Variants in CLPB observed in about 807,000 individuals in gnomAD.
The protein encoded by CLPB is ClpB family mitochondrial disaggregase.
In CLPB, 40 loss-of-function variants were observed where a neutral mutation model predicts 78.4. That is an observed-to-expected ratio of 0.51 (90% confidence interval 0.40 to 0.66). The LOEUF is 0.66. Ranked by LOEUF, CLPB falls within the 30% of genes least tolerant of loss-of-function variation. CLPB has a pLI of 0.00. For missense variants in CLPB, 780 were observed against 886.9 expected (o/e 0.88, Z 1.53); for synonymous variants, 333 against 348.0 (o/e 0.96, Z 0.48).
At chr11:72,399,769 C>T (rs79828265) in intron 3 of CLPB, among the ~76,000 whole-genome samples, 8,696 of 152,222 alleles carry the variant, frequency 0.057, 356 homozygotes, top group Non-Finnish European at 0.084. Flanking sequence ...AAGGGTGCTC[C>T]CCCTCTATCT....
chr11:72,359,842 A>G (rs936846290), intron 4 of CLPB, among the ~76,000 whole-genome samples: 2 of 152,198 alleles, frequency 1.3e-5, no homozygotes, highest in African/African-American at 4.8e-5. Flanking sequence ...AAGAACCAAA[A>G]TCCCCCAGGC....
intron 4 of CLPB, among the ~76,000 whole-genome samples, chr11:72,378,950 C>T (rs371229408): frequency 6.6e-6 from 1 of 152,082 alleles, no homozygotes; most frequent in Non-Finnish European, 1.5e-5. Context: ...GACAGGGAAG[C>T]CTTTGTGGAG....
chr11:72,381,656 G>A (rs993412169), intron 3 of CLPB, among the ~76,000 whole-genome samples: 3 of 152,102 alleles, frequency 2.0e-5, no homozygotes, highest in Admixed American at 6.5e-5. Context: ...CACTGGGTCA[G>A]CCTGACAGCC....
intron 2 of CLPB, among the ~76,000 whole-genome samples, chr11:72,420,678 G>A (rs1241783063): frequency 6.6e-6 from 1 of 152,168 alleles, no homozygotes; most frequent in African/African-American, 2.4e-5. Context: ...ATATAGTACA[G>A]GGTGCTATGG....
intron 4 of CLPB, among the ~76,000 whole-genome samples, chr11:72,378,956 T>A (rs1452026522): frequency 6.6e-6 from 1 of 152,172 alleles, no homozygotes; most frequent in Non-Finnish European, 1.5e-5. Flanking sequence ...GAAGCCTTTG[T>A]GGAGGATCTA....
chr11:72,314,113 T>A (rs1421252486), intron 7 of CLPB, among the ~76,000 whole-genome samples: 1 of 152,094 alleles, frequency 6.6e-6, no homozygotes, highest in Non-Finnish European at 1.5e-5. Flanking sequence ...AAGCATGAGA[T>A]CTGGTGGTGT....
chr11:72,302,424 T>C, intron 9 of CLPB, 76 bp from the exon 10 acceptor site: 2 of 1,269,172 alleles, frequency 1.6e-6, no homozygotes, highest in Non-Finnish European at 2.3e-6. Flanking sequence ...GGAGAGCACC[T>C]CAACTATCCC....
intron 11 of CLPB, among the ~76,000 whole-genome samples, chr11:72,297,642 T>TGC (rs1949576483): frequency 2.2e-5 from 1 of 46,472 alleles, no homozygotes; most frequent in Non-Finnish European, 3.5e-5. Flanking sequence ...ACCAGGTGTG[T>TGC]GTGTGTGTGT....
At chr11:72,357,553 A>G (rs1380830170) in intron 5 of CLPB, among the ~76,000 whole-genome samples, 1 of 151,826 alleles carries the variant, frequency 6.6e-6, no homozygotes, top group Non-Finnish European at 1.5e-5. Flanking sequence ...AATATTAGCC[A>G]GATGTGGTGG....
At chr11:72,372,894 G>A (rs1951069507) in intron 4 of CLPB, 1 of 1,580,032 alleles carries the variant, frequency 6.3e-7, no homozygotes, top group Non-Finnish European at 8.7e-7. Flanking sequence ...CTGGGGAGGG[G>A]GAGAAATATT....
intron 3 of CLPB, among the ~76,000 whole-genome samples, chr11:72,385,334 A>C (rs932164274): frequency 6.6e-6 from 1 of 152,180 alleles, no homozygotes; most frequent in Non-Finnish European, 1.5e-5. Flanking sequence ...TTTTCCTTCT[A>C]ATAAAAAAGG....
chr11:72,315,671 G>A (rs1241126519), intron 7 of CLPB, among the ~76,000 whole-genome samples: 1 of 152,242 alleles, frequency 6.6e-6, no homozygotes, highest in African/African-American at 2.4e-5. Flanking sequence ...GCCAATTCGT[G>A]AGGGTAATAA....
intron 4 of CLPB, among the ~76,000 whole-genome samples, chr11:72,359,934 ACT>A (rs1298503270): frequency 3.3e-5 from 5 of 151,598 alleles, no homozygotes; most frequent in African/African-American, 7.3e-5. Context: ...TTTTTCCAGG[ACT>A]CTCTGGGTTG....
At chr11:72,295,346 G>T in intron 12 of CLPB, 146 bp downstream of exon 12, 1 of 766,752 alleles carries the variant, frequency 1.3e-6, no homozygotes, top group Non-Finnish European at 2.1e-6. Context: ...ACTTGGTATG[G>T]TGTCTGATAT....
In CLPB at chr11:72,301,951, A is replaced by G. The variant is rs753071939; in HGVS notation, c.1181T>C (p.Ile394Thr). The G allele has an allele frequency of 2.5e-6, 4 of 1,613,684 alleles. No homozygotes were observed. The highest frequency in any genetic ancestry group is 3.4e-6 in the Non-Finnish European group (4 of 1,179,872). ...GCCAACGTAGCCTGGTGGAGACCCA[A>G]TAAACTTGGCCACCTGGTAGAAGGA... ...FQERHEVAKF[I>T]GSPPGYVGHE... Residue 394 changes from isoleucine (I) to threonine (T), a missense_variant, in exon 11 of 16, where the codon ATT (isoleucine) becomes ACT (threonine). Coordinates refer to ENST00000538039, the MANE Select transcript of CLPB (RefSeq NM_001258392.3).
In CLPB at chr11:72,312,235, G is replaced by A. The variant is rs56076328; in HGVS notation, c.989-3631C>T. Among the ~76,000 whole-genome samples, 26,643 of 152,196 alleles carry A rather than the reference G, an allele frequency of 0.18. 3,734 individuals are homozygous for A. Among genetic ancestry groups the A allele is most frequent in the African/African-American group, 0.39 (16,247 of 41,494 alleles). On this transcript the variant is annotated intron_variant, in intron 7 of 15. Transcript: ENST00000538039. The surrounding 1 kb of genome is among the most constrained non-coding windows in gnomAD (Gnocchi z 4.2). ...GTGATGAAAGCAATTTGTAAGTGGC[G>A]AGGAGTGGGATAACAATAAGAGTAA...
chr11:72,363,801 C>T lies in CLPB; in HGVS notation c.647-4793G>A, dbSNP rs139488492. On this transcript the variant is annotated intron_variant, in intron 4 of 15. Coordinates refer to ENST00000538039, the MANE Select transcript of CLPB (RefSeq NM_001258392.3). ...CTCTATCTTCTGTACTGTGCAGCTT[C>T]TGCCAATGCCCACAGGCCCAAGCCT... 8.9e-4 allele frequency among the ~76,000 whole-genome samples: 136 copies of T among 152,342 alleles called. 1 individual carries two copies. Among genetic ancestry groups the T allele is most frequent in the Middle Eastern group, 6.8e-3 (2 of 294 alleles).
Position 72,372,956 on chromosome 11 carries a change from C to T in CLPB, c.646+7325G>A, listed in dbSNP as rs2135657829. On this transcript the variant is annotated intron_variant, in intron 4 of 15. Coordinates refer to ENST00000538039, the MANE Select transcript of CLPB (RefSeq NM_001258392.3). ...CGGGGAGTCCTAGCCATCTCCTGAACTCCAGGGCACTTGTCCACTGGTTTG... is the reference window on the plus strand; with the variant it reads ...CGGGGAGTCCTAGCCATCTCCTGAATTCCAGGGCACTTGTCCACTGGTTTG... The T allele has an allele frequency of 6.2e-7, 1 of 1,614,194 alleles. No homozygotes were observed.
chr11:72,366,307 C>A (rs895087272), intron 4 of CLPB, among the ~76,000 whole-genome samples: 1 of 152,158 alleles, frequency 6.6e-6, no homozygotes, highest in Admixed American at 6.5e-5. Context: ...TTCCGCCTCC[C>A]AGGCTCAAGC....
Sources: allele counts gnomAD v4.1 joint callset (sites outside exome capture counted in the v4.1 genomes callset), GRCh38; gene constraint gnomAD v4.1.1; non-coding constraint Gnocchi (gnomAD v3.1); transcripts MANE v1.5; gene names NCBI Gene and HGNC (gene_info 2026-07-23, HGNC 2026-07-21).